The following TTLL3 variants were observed in gnomAD, a reference collection of about 807,000 sequenced individuals.
TTLL3 encodes tubulin tyrosine ligase like 3, also known as tubulin monoglycylase TTLL3.
TTLL3 carries 63 observed loss-of-function variants against 75.2 expected under a neutral mutation model. The ratio of observed to expected loss-of-function variants is 0.84; its 90% CI spans 0.68 to 1.03. The LOEUF (loss-of-function observed/expected upper bound fraction) is 1.03. Ranked by LOEUF, TTLL3 falls within the 50% of genes least tolerant of loss-of-function variation. The pLI, the probability that TTLL3 is intolerant of heterozygous loss-of-function variation, is 0.00. For missense variants in TTLL3, 997 were observed against 1,069.9 expected (o/e 0.93, Z 0.95); for synonymous variants, 393 against 418.5 (o/e 0.94, Z 0.74).
chr3:9,818,983 C>G, intron 7 of TTLL3, 63 bp downstream of exon 7: 1 of 1,605,548 alleles, frequency 6.2e-7, no homozygotes, highest in South Asian at 1.1e-5. Flanking sequence ...GCCCTTCCAC[C>G]TATCTGCCCT....
rs946145360 is a variant in TTLL3 at position 9,819,417 on chromosome 3, C to T, written c.658+497C>T. Reference sequence around the variant, plus strand: ...TTTGTTAGTTGATCCACTCCTCATTCAGCCCTCCCATGGGCCTGGCATGTA... The same window carrying T: ...TTTGTTAGTTGATCCACTCCTCATTTAGCCCTCCCATGGGCCTGGCATGTA... On this transcript the variant is annotated intron_variant, in intron 7 of 13. Coordinates refer to ENST00000685419, the MANE Select transcript of TTLL3 (RefSeq NM_001387446.1). 6.6e-6 allele frequency: 5 copies of T among 756,156 alleles called. No homozygotes were observed. In the African/African-American group the frequency reaches 7.6e-5, roughly 11 times the overall value. 46.8% of individuals were successfully genotyped at this position (756,156 alleles called of 1,614,324 possible).
At chr3:9,814,455 G>A (rs2125685495) in intron 4 of TTLL3, among the ~76,000 whole-genome samples, 1 of 152,162 alleles carries the variant, frequency 6.6e-6, no homozygotes, top group African/African-American at 2.4e-5. Flanking sequence ...AGACCAACCG[G>A]GCCAACATGG....
chr3:9,833,236 T>G lies in TTLL3; in HGVS notation c.1816T>G (p.Ser606Ala). Residue 606 changes from serine to alanine, a missense_variant, in exon 12 of 14, where the codon TCT becomes GCT. Ser to Ala is a moderately conservative substitution (Grantham distance 99, BLOSUM62 1). Coordinates refer to ENST00000685419, the MANE Select transcript of TTLL3 (RefSeq NM_001387446.1). The stretch of plus-strand genomic sequence containing the variant: ...AGTCCCTCTGCTGACCCAGCGAGGC[T>G]CTGGGGAAGGCAAGGACTCGGGGAC... ...PAVPLLTQRG[S>A]GEARHHFPSL... The G allele has an allele frequency of 6.2e-7, 1 of 1,613,906 alleles. No individual in the cohort carries two copies. Among genetic ancestry groups the G allele is most frequent in the African/African-American group, 1.3e-5 (1 of 75,016 alleles).
In TTLL3 at chr3:9,833,252, A is replaced by G. The variant is rs370779906; in HGVS notation, c.1825+7A>G. Reference sequence around the variant, plus strand: ...CAGCGAGGCTCTGGGGAAGGCAAGGACTCGGGGACCCCTACCCACAGGTCA... The same window carrying G: ...CAGCGAGGCTCTGGGGAAGGCAAGGGCTCGGGGACCCCTACCCACAGGTCA... On this transcript the variant is annotated splice_region_variant and intron_variant, in intron 12 of 13. Transcript: ENST00000685419. 2.8e-5 allele frequency: 45 copies of G among 1,613,598 alleles called. 1 individual carries two copies. In the African/African-American group the frequency reaches 5.7e-4, roughly 21 times the overall value.
rs774102637 is a variant in TTLL3, at chr3:9,813,025, T to C, written c.131T>C (p.Met44Thr). ...CGGAGGGGCTGGGTGGAGAAGAAGA[T>C]GGTCCATCGCTCAGGCCCCACCCTG... ...LRRRGWVEKKMVHRSGPTLLP... is the reference protein window; with the variant it reads ...LRRRGWVEKKTVHRSGPTLLP... The change falls in exon 3 of 14, where the codon ATG becomes ACG. Residue 44 changes from methionine to threonine, a missense_variant. By Grantham distance (81) the Met-to-Thr change is moderately conservative. Coordinates refer to ENST00000685419, the MANE Select transcript of TTLL3 (RefSeq NM_001387446.1). 2 of 1,584,072 alleles carry C rather than the reference T, an allele frequency of 1.3e-6. No individual in the cohort carries two copies. The highest frequency in any genetic ancestry group is 2.3e-5 in the South Asian group (2 of 87,590).
chr3:9,815,653 GACACCCTT>G lies in TTLL3; in HGVS notation c.316-419_316-412del, dbSNP rs1350573171. 3.3e-5 allele frequency among the ~76,000 whole-genome samples: 5 copies of G among 152,256 alleles called. No individual in the cohort carries two copies. In the East Asian group the frequency reaches 9.6e-4, roughly 29 times the overall value. On this transcript the variant is annotated intron_variant, in intron 4 of 13. Coordinates refer to ENST00000685419, the MANE Select transcript of TTLL3 (RefSeq NM_001387446.1). ...TTGTGCAGCTTTGTCACTCCTTGGG[GACACCCTT>G]AGGGGCCCTGCCCCCTCAGCAGCTA...
At chr3:9,819,545 A>C in intron 7 of TTLL3, 1 of 987,694 alleles carries the variant, frequency 1.0e-6, no homozygotes, top group African/African-American at 1.7e-5. Context: ...TGGGCTTTAC[A>C]CATGGCCTGA....
chr3:9,812,986 G>A lies in TTLL3; in HGVS notation c.92G>A (p.Arg31Gln), dbSNP rs757448730. The A allele has an allele frequency of 7.8e-6, 12 of 1,540,368 alleles. No homozygotes were observed. Among genetic ancestry groups the A allele is most frequent in the Admixed American group, 2.1e-5 (1 of 47,530 alleles). ...FTIQGCYPVIRCLLRRRGWVE... is the reference protein window; with the variant it reads ...FTIQGCYPVIQCLLRRRGWVE... Reference sequence around the variant, plus strand: ...ATCCAAGGCTGCTACCCGGTGATCCGGTGTCTCTTGCGCCGGAGGGGCTGG... The same window carrying A: ...ATCCAAGGCTGCTACCCGGTGATCCAGTGTCTCTTGCGCCGGAGGGGCTGG... Residue 31 changes from arginine to glutamine, a missense_variant, in exon 3 of 14, where the codon CGG becomes CAG. Coordinates refer to ENST00000685419, the MANE Select transcript of TTLL3 (RefSeq NM_001387446.1).
chr3:9,834,118 A>G (rs1446545891), intron 12 of TTLL3: 3 of 266,704 alleles, frequency 1.1e-5, no homozygotes, highest in Non-Finnish European at 2.2e-5. Context: ...GTCTCAAAAA[A>G]AAAAAAAAAA....
intron 7 of TTLL3, chr3:9,819,438 A>T: frequency 7.4e-6 from 7 of 939,820 alleles, no homozygotes; most frequent in Non-Finnish European, 8.9e-6. Context: ...TGGGCCTGGC[A>T]TGTAGCCGAG....
chr3:9,835,453 G>C lies in TTLL3; in HGVS notation c.2412G>C (p.Ala804=), dbSNP rs577870609. The part of the protein sequence containing the change: ...IAVGGSRVDG[A]RPCTPGSTAR... ...TTGGAGGGTCAAGAGTGGATGGGGC[G>C]AGGCCGTGTACCCCAGGGTCCACAG... The change falls in exon 14 of 14, where the codon GCG becomes GCC. Residue 804 remains alanine (A), a synonymous_variant. Coordinates refer to ENST00000685419, the MANE Select transcript of TTLL3 (RefSeq NM_001387446.1). The C allele has an allele frequency of 6.2e-7, 1 of 1,609,730 alleles. No homozygotes were observed. The highest frequency in any genetic ancestry group is 1.3e-5 in the African/African-American group (1 of 74,878).
At position 9,834,747 on chromosome 3, in the gene TTLL3, AG is replaced by A. The variant is rs2081939238; in HGVS notation, c.1895del (p.Gly632AlafsTer24). 1.9e-6 allele frequency: 3 copies of A among 1,614,104 alleles called. No homozygotes were observed. The highest frequency in any genetic ancestry group is 3.3e-5 in the Admixed American group (2 of 60,016). Reference sequence around the variant, plus strand: ...CCTTCTCCCCATGTACTCCGACACCAGGGCCAGGTCCTCAGACGACAGCACA... The same window carrying A: ...CCTTCTCCCCATGTACTCCGACACCAGGCCAGGTCCTCAGACGACAGCACA... ...QLPSPHVLRH[Q>X]GQVLRRQHSK... is the part of the protein sequence containing the mutation. On this transcript the variant is annotated frameshift_variant, in exon 13 of 14. Transcript: ENST00000685419. LOFTEE classifies it high-confidence loss of function.
intron 8 of TTLL3, among the ~76,000 whole-genome samples, chr3:9,825,075 G>A (rs559286090): frequency 6.6e-6 from 1 of 152,264 alleles, no homozygotes; most frequent in African/African-American, 2.4e-5. Flanking sequence ...ACCAGAGCTG[G>A]GTGTGGTAGC....
intron 10 of TTLL3, chr3:9,828,691 T>A: frequency 2.0e-6 from 1 of 501,802 alleles, no homozygotes; most frequent in Non-Finnish European, 3.6e-6. Flanking sequence ...ACTGGGATGG[T>A]TAACTGAGAC....
intron 2 of TTLL3, among the ~76,000 whole-genome samples, chr3:9,811,857 C>T (rs1261082825): frequency 6.6e-6 from 1 of 152,234 alleles, no homozygotes; most frequent in African/African-American, 2.4e-5. Flanking sequence ...ACCGCCATTT[C>T]CCAGCTCTGT....
rs142609556 is a variant in TTLL3 at position 9,831,067 on chromosome 3, C to T, written c.1683+1672C>T. On this transcript the variant is annotated intron_variant, in intron 11 of 13. Transcript: ENST00000685419. ...TTGCCCGCCTCGGCCTCCCAAAATG[C>T]TAGGATTACTGGCATGAGCCACCGC... Among the ~76,000 whole-genome samples the T allele has an allele frequency of 2.6e-5, 4 of 152,298 alleles. No homozygotes were observed. The East Asian group carries it at 7.7e-4, about 29-fold the overall frequency.
chr3:9,813,672 C>A (rs1429889898), intron 4 of TTLL3, among the ~76,000 whole-genome samples: 1 of 152,138 alleles, frequency 6.6e-6, no homozygotes, highest in Non-Finnish European at 1.5e-5. Flanking sequence ...GTAGTCCCAG[C>A]TACTCGGGAG....
intron 8 of TTLL3, among the ~76,000 whole-genome samples, chr3:9,825,030 C>CGT (rs2080890271): frequency 6.6e-6 from 1 of 152,074 alleles, no homozygotes; most frequent in South Asian, 2.1e-4. Flanking sequence ...CAGGAGCCAC[C>CGT]GTGCCTGGCC....
intron 4 of TTLL3, among the ~76,000 whole-genome samples, chr3:9,814,754 G>A (rs981931152): frequency 6.6e-6 from 1 of 151,496 alleles, no homozygotes. Flanking sequence ...GTGGGAGGTG[G>A]AGGTTGTAGT....
Sources: allele counts gnomAD v4.1 joint callset (sites outside exome capture counted in the v4.1 genomes callset), GRCh38; gene constraint gnomAD v4.1.1; transcripts MANE v1.5; gene names NCBI Gene and HGNC (gene_info 2026-07-23, HGNC 2026-07-21).